Variants in CELF4 observed in about 807,000 individuals in gnomAD.
CELF4 encodes CUG-BP- and ETR-3-like factor 4.
CELF4 carries 18 observed loss-of-function variants against 59.9 expected under a neutral mutation model. That is an observed-to-expected ratio of 0.30 (90% CI 0.21 to 0.45). The LOEUF (loss-of-function observed/expected upper bound fraction) is 0.45, where lower values mean the gene tolerates loss of function less well. CELF4 is among the 20% of genes least tolerant of loss of function. The pLI is 1.00. For synonymous variants in CELF4, 261 were observed against 267.1 expected (o/e 0.98, Z 0.22); for missense variants, 456 against 689.0 (o/e 0.66, Z 3.79).
rs747116210 is a variant in CELF4 at position 37,270,893 on chromosome 18, G to C, written c.974C>G (p.Thr325Ser). The C allele has an allele frequency of 8.1e-6, 13 of 1,612,128 alleles. 1 individual carries two copies. The South Asian group carries it at 1.4e-4, about 18-fold the overall frequency. ...TGGGATGCTAGGCACGGCTGGTGCA[G>C]TGATGCCCGGAGGGGTGCTGCCACC... Reference protein sequence around the residue: ...TSGGSTPPGITAPAVPSIPSP... With the variant: ...TSGGSTPPGISAPAVPSIPSP... Residue 325 changes from threonine to serine, a missense_variant, in exon 8 of 13, where the codon ACT becomes AGT. Physicochemically the swap from Thr to Ser is moderately conservative, Grantham distance 58. This residue lies in a region of CELF4 where 256 missense variants were observed against 340.8 expected (regional missense o/e 0.75). Transcript: ENST00000420428.
chr18:37,535,294 G>A (rs893644596), intron 1 of CELF4, among the ~76,000 whole-genome samples: 4 of 152,160 alleles, frequency 2.6e-5, no homozygotes, highest in African/African-American at 7.2e-5. Flanking sequence ...CCTTATTGGC[G>A]TTATTTATTG....
At chr18:37,252,731 C>T (rs761220357) in intron 12 of CELF4, among the ~76,000 whole-genome samples, 4 of 150,076 alleles carry the variant, frequency 2.7e-5, no homozygotes, top group Non-Finnish European at 5.9e-5. Context: ...CATACTAGAT[C>T]ATATTCTTTG....
rs774023923 is a variant in CELF4, at chr18:37,565,597, G to A, written c.45C>T (p.Asn15=). Residue 15 remains asparagine, a synonymous_variant, in exon 1 of 13, where the codon AAC becomes AAT. Transcript: ENST00000420428. ...MATLANGQAD[N]ASLSTNGLGS... ...CGAGCCCGTTGGTACTGAGGCTTGC[G>A]TTGTCAGCCTGTCCGTTTGCTAACG... The A allele has an allele frequency of 3.9e-5, 63 of 1,608,934 alleles. 1 individual carries two copies. In the South Asian group the frequency reaches 6.8e-4, roughly 17 times the overall value.
chr18:37,390,796 A>C (rs796930516), intron 2 of CELF4, among the ~76,000 whole-genome samples: 1 of 8,032 alleles, frequency 1.2e-4, no homozygotes, highest in African/African-American at 9.8e-4. Flanking sequence ...GGTGGTGGTG[A>C]TGGGGCGGGG....
intron 3 of CELF4, among the ~76,000 whole-genome samples, chr18:37,287,303 C>A (rs879523788): frequency 1.3e-5 from 2 of 152,234 alleles, no homozygotes; most frequent in Non-Finnish European, 2.9e-5. Context: ...CCTGGCCCTC[C>A]ACCTGCCTGC....
chr18:37,317,397 A>G (rs940065251), intron 3 of CELF4, among the ~76,000 whole-genome samples: 1 of 152,230 alleles, frequency 6.6e-6, no homozygotes, highest in Non-Finnish European at 1.5e-5. Flanking sequence ...CATCTCAAAA[A>G]CAAAACAAAA....
chr18:37,261,203 G>C (rs954078365), intron 10 of CELF4, among the ~76,000 whole-genome samples: 9 of 152,210 alleles, frequency 5.9e-5, no homozygotes, highest in African/African-American at 1.9e-4. Context: ...CCAGGGGCAT[G>C]CTCCTTCTTG....
intron 1 of CELF4, among the ~76,000 whole-genome samples, chr18:37,486,672 G>C (rs577189593): frequency 1.1e-4 from 17 of 152,228 alleles, no homozygotes; most frequent in South Asian, 2.1e-4. Flanking sequence ...ATGTTCTGGT[G>C]AACAGTCACC....
chr18:37,537,030 C>T (rs1350337578), intron 1 of CELF4, among the ~76,000 whole-genome samples: 1 of 152,208 alleles, frequency 6.6e-6, no homozygotes, highest in Non-Finnish European at 1.5e-5. Context: ...TGTCATAGGT[C>T]ACCCATCCTC....
intron 12 of CELF4, among the ~76,000 whole-genome samples, chr18:37,248,999 CT>C (rs1419947895): frequency 1.3e-5 from 2 of 152,112 alleles, no homozygotes; most frequent in East Asian, 3.9e-4. Context: ...TAAAATATCA[CT>C]GTGGATGAGG....
At chr18:37,509,464 G>A (rs751621374) in intron 1 of CELF4, among the ~76,000 whole-genome samples, 2 of 152,194 alleles carry the variant, frequency 1.3e-5, no homozygotes, top group Non-Finnish European at 2.9e-5. Flanking sequence ...CTTTGTCATC[G>A]GTAATGAGAA....
At chr18:37,373,720 G>T (rs1015587507) in intron 2 of CELF4, among the ~76,000 whole-genome samples, 2 of 152,186 alleles carry the variant, frequency 1.3e-5, no homozygotes, top group Admixed American at 1.3e-4. Context: ...AGTGGGAGGG[G>T]CTGGAAAGCA....
chr18:37,529,293 C>T, intron 1 of CELF4: 1 of 152,394 alleles, frequency 6.6e-6, no homozygotes, highest in Non-Finnish European at 1.5e-5. Flanking sequence ...CTGCTCAGGG[C>T]CTGAGAGGTG....
intron 8 of CELF4, among the ~76,000 whole-genome samples, chr18:37,268,018 C>T (rs2078538579): frequency 6.6e-6 from 1 of 152,032 alleles, no homozygotes; most frequent in Non-Finnish European, 1.5e-5. Flanking sequence ...GCCTGGGCAA[C>T]AATTGTGAAA....
intron 2 of CELF4, among the ~76,000 whole-genome samples, chr18:37,386,667 C>A (rs2099102709): frequency 1.3e-5 from 2 of 152,188 alleles, no homozygotes; most frequent in Admixed American, 6.5e-5. Context: ...GGAAAGTCTT[C>A]TAAAACAAGC....
At chr18:37,420,961 C>T (rs1569569339) in intron 2 of CELF4, among the ~76,000 whole-genome samples, 1 of 152,236 alleles carries the variant, frequency 6.6e-6, no homozygotes. Context: ...CAGGTAAGAA[C>T]TTGGCTTGAA....
At chr18:37,541,196 C>T (rs2099977522) in intron 1 of CELF4, among the ~76,000 whole-genome samples, 1 of 152,150 alleles carries the variant, frequency 6.6e-6, no homozygotes, top group Non-Finnish European at 1.5e-5. Flanking sequence ...TCATATTCCA[C>T]CTGCCTTCCT....
At chr18:37,381,579 T>C (rs2099041326) in intron 2 of CELF4, among the ~76,000 whole-genome samples, 2 of 152,102 alleles carry the variant, frequency 1.3e-5, no homozygotes, top group Non-Finnish European at 2.9e-5. Flanking sequence ...AAAACCCCCA[T>C]TTGAATGGGG....
rs950126799 is a variant in CELF4 at position 37,318,200 on chromosome 18, C to A, written c.448+3603G>T. On this transcript the variant is annotated intron_variant, in intron 3 of 12. Transcript: ENST00000420428. ...GGGGCTGACCCTCCCCCTCCTTCTG[C>A]GGCCACTGCTGGCTTCTGCTCCCCT... Among the ~76,000 whole-genome samples, 8 of 152,222 alleles carry A rather than the reference C, an allele frequency of 5.3e-5. No individual in the cohort carries two copies. The South Asian group carries it at 1.7e-3, about 32-fold the overall frequency.
Sources: allele counts gnomAD v4.1 joint callset (sites outside exome capture counted in the v4.1 genomes callset), GRCh38; gene constraint gnomAD v4.1.1; regional missense constraint gnomAD v4.1.1; transcripts MANE v1.5; gene names NCBI Gene and HGNC (gene_info 2026-07-23, HGNC 2026-07-21).